CTNND2: variants seen among roughly 807,000 people sequenced by gnomAD.
CTNND2 encodes the protein catenin delta 2.
Under a neutral mutation model 144.4 loss-of-function variants are expected in CTNND2, and 22 were observed. The observed-to-expected ratio is 0.15, with a 90% confidence interval of 0.11 to 0.22. The LOEUF is 0.22. Ranked by LOEUF, CTNND2 falls within the 10% of genes least tolerant of loss-of-function variation. The probability of loss-of-function intolerance (pLI) is 1.00; values close to 1 mark genes in which losing one functional copy is unlikely to be tolerated. For synonymous variants in CTNND2, 751 were observed against 695.6 expected (o/e 1.08, Z -1.25); for missense variants, 1,353 against 1,618.8 (o/e 0.84, Z 2.82).
At chr5:11,111,151 A>G in intron 13 of CTNND2, 108 bp from the exon 14 acceptor site, 6 of 1,210,040 alleles carry the variant, frequency 5.0e-6, no homozygotes, top group Non-Finnish European at 6.9e-6. Flanking sequence ...TCTCTTTGGA[A>G]GTGTTTAGCT....
intron 11 of CTNND2, among the ~76,000 whole-genome samples, chr5:11,183,879 C>G (rs1467379499): frequency 6.6e-6 from 1 of 152,028 alleles, no homozygotes; most frequent in Non-Finnish European, 1.5e-5. Context: ...TACTCTCTCT[C>G]TTTCTCACTC....
chr5:11,227,177 G>A (rs1042767871), intron 10 of CTNND2, among the ~76,000 whole-genome samples: 6 of 152,150 alleles, frequency 3.9e-5, no homozygotes, highest in African/African-American at 1.4e-4. Context: ...TTAACTGTTG[G>A]AAAGAGATTT....
chr5:11,229,646 G>A (rs556149958), intron 10 of CTNND2, among the ~76,000 whole-genome samples: 11 of 102,956 alleles, frequency 1.1e-4, no homozygotes, highest in Middle Eastern at 4.9e-3. Flanking sequence ...GCCATATTGC[G>A]TGTGTGTGTG....
intron 9 of CTNND2, among the ~76,000 whole-genome samples, chr5:11,302,684 T>G (rs1749741327): frequency 6.6e-6 from 1 of 151,924 alleles, no homozygotes; most frequent in Non-Finnish European, 1.5e-5. Context: ...TGCTGAGGAG[T>G]CACAGGACAA....
At chr5:11,450,854 C>T (rs1022165174) in intron 3 of CTNND2, among the ~76,000 whole-genome samples, 30 of 135,676 alleles carry the variant, frequency 2.2e-4, no homozygotes, top group Middle Eastern at 9.8e-3. Context: ...GCCGAGATTG[C>T]GCCATTGCAC....
At chr5:11,490,419 T>C (rs896359144) in intron 3 of CTNND2, among the ~76,000 whole-genome samples, 1 of 152,220 alleles carries the variant, frequency 6.6e-6, no homozygotes, top group Non-Finnish European at 1.5e-5. Flanking sequence ...TGAATGTACA[T>C]GTATATTTAT....
intron 16 of CTNND2, among the ~76,000 whole-genome samples, chr5:11,058,764 G>C (rs1746609055): frequency 1.3e-5 from 2 of 150,926 alleles, no homozygotes; most frequent in African/African-American, 2.4e-5. Context: ...AGCTGGGAGG[G>C]AGGCTATCCC....
At chr5:11,651,056 T>C (rs868288001) in intron 2 of CTNND2, among the ~76,000 whole-genome samples, 2 of 152,166 alleles carry the variant, frequency 1.3e-5, no homozygotes, top group Non-Finnish European at 2.9e-5. Flanking sequence ...GAAAATACCT[T>C]GAAGGCATTT....
chr5:11,528,100 T>C (rs1174256006), intron 3 of CTNND2, among the ~76,000 whole-genome samples: 1 of 152,242 alleles, frequency 6.6e-6, no homozygotes, highest in Non-Finnish European at 1.5e-5. Context: ...TATCAATCAA[T>C]GTCATTTTCA....
Position 11,732,261 on chromosome 5 carries a change from C to T in CTNND2, c.49G>A (p.Val17Ile), listed in dbSNP as rs1309851417. The change falls in exon 2 of 22, where the codon GTT becomes ATT. Residue 17 changes from valine (V) to isoleucine (I), a missense_variant. Val to Ile is a conservative substitution (Grantham distance 29, BLOSUM62 3). Coordinates refer to ENST00000304623, the MANE Select transcript of CTNND2 (RefSeq NM_001332.4). ...GAGGCTGATGAAGGCTGGTCTGGAACAGGCATAGCTCCTGCAAGGCAAGAG... is the reference window on the plus strand; with the variant it reads ...GAGGCTGATGAAGGCTGGTCTGGAATAGGCATAGCTCCTGCAAGGCAAGAG... ...PGAAPLGAMP[V>I]PDQPSSASEK... The T allele has an allele frequency of 6.2e-7, 1 of 1,613,664 alleles. No homozygotes were observed. The highest frequency in any genetic ancestry group is 1.1e-5 in the South Asian group (1 of 91,050).
At position 11,767,819 on chromosome 5, in the gene CTNND2, C is replaced by T. The variant is rs113534355; in HGVS notation, c.38-35547G>A. 4.9e-3 allele frequency among the ~76,000 whole-genome samples: 740 copies of T among 152,282 alleles called. 9 individuals carry two copies. The highest frequency in any genetic ancestry group is 0.017 in the African/African-American group (722 of 41,560). ...CTGGGAGGTCTGTTGACAGAGCCTT[C>T]ATCGCTGTTCCCCCTGGCTAGACCA... On this transcript the variant is annotated intron_variant, in intron 1 of 21. Coordinates refer to ENST00000304623, the MANE Select transcript of CTNND2 (RefSeq NM_001332.4).
chr5:11,401,129 G>A (rs1253233002), intron 5 of CTNND2, among the ~76,000 whole-genome samples: 2 of 152,164 alleles, frequency 1.3e-5, no homozygotes, highest in Non-Finnish European at 2.9e-5. Context: ...AAGATGTAGA[G>A]GTTGAAATGT....
intron 2 of CTNND2, among the ~76,000 whole-genome samples, chr5:11,626,883 T>TA (rs1491043072): frequency 6.6e-6 from 1 of 152,222 alleles, no homozygotes; most frequent in East Asian, 1.9e-4. Flanking sequence ...TTCTAAGTTT[T>TA]AAAAATTGTG....
chr5:11,854,073 T>C (rs1795140946), intron 1 of CTNND2, among the ~76,000 whole-genome samples: 1 of 152,136 alleles, frequency 6.6e-6, no homozygotes, highest in Non-Finnish European at 1.5e-5. Context: ...CTAAGTATCC[T>C]CCCTCTATTC....
intron 9 of CTNND2, among the ~76,000 whole-genome samples, chr5:11,273,974 G>A (rs556476329): frequency 1.3e-5 from 2 of 152,290 alleles, no homozygotes; most frequent in South Asian, 2.1e-4. Flanking sequence ...CGGCCAGGGA[G>A]GGGACGGGTA....
At chr5:11,035,862 A>AG (rs1352850408) in intron 16 of CTNND2, among the ~76,000 whole-genome samples, 4 of 151,732 alleles carry the variant, frequency 2.6e-5, no homozygotes, top group Non-Finnish European at 4.4e-5. Context: ...CTTGAAAAAA[A>AG]AAAACAATGA....
At chr5:11,472,837 T>C (rs1247916016) in intron 3 of CTNND2, among the ~76,000 whole-genome samples, 2 of 152,146 alleles carry the variant, frequency 1.3e-5, no homozygotes, top group East Asian at 1.9e-4. Context: ...GAGAGTGAAA[T>C]GGATAAAACC....
At chr5:11,240,421 GACAC>G (rs1207983941) in intron 9 of CTNND2, among the ~76,000 whole-genome samples, 85 of 30,012 alleles carry the variant, frequency 2.8e-3, no homozygotes, top group African/African-American at 0.011. Flanking sequence ...AACACACACT[GACAC>G]ACACTCACAC....
chr5:11,655,903 C>T (rs1188730569), intron 2 of CTNND2, among the ~76,000 whole-genome samples: 1 of 151,950 alleles, frequency 6.6e-6, no homozygotes, highest in Non-Finnish European at 1.5e-5. Context: ...GACACACACT[C>T]ATTTGGTTTC....
Sources: allele counts gnomAD v4.1 joint callset (sites outside exome capture counted in the v4.1 genomes callset), GRCh38; gene constraint gnomAD v4.1.1; transcripts MANE v1.5; gene names NCBI Gene and HGNC (gene_info 2026-07-23, HGNC 2026-07-21).